Variants in SLC27A1 observed in about 807,000 individuals in gnomAD.
The protein encoded by SLC27A1 is long-chain fatty acid transport protein 1.
SLC27A1 carries 61 observed loss-of-function variants against 62.2 expected under a neutral mutation model. The observed-to-expected ratio is 0.98, with a 90% CI of 0.80 to 1.21. The LOEUF is 1.21. Ranked by LOEUF, SLC27A1 falls within the 50% of genes most tolerant of loss-of-function variation. SLC27A1 has a pLI of 0.00. For synonymous variants in SLC27A1, 435 were observed against 408.6 expected, an observed-to-expected ratio of 1.06 and a Z score of -0.78; for missense variants, 903 against 932.1, an observed-to-expected ratio of 0.97 and a Z score of 0.41.
At chr19:17,481,087 G>A (rs1474523835) in intron 1 of SLC27A1, among the ~76,000 whole-genome samples, 1 of 151,662 alleles carries the variant, frequency 6.6e-6, no homozygotes, top group Non-Finnish European at 1.5e-5. Context: ...CACCACGCCC[G>A]GCCAATTTTG....
chr19:17,498,147 T>G (rs2075369990), intron 7 of SLC27A1: 1 of 152,302 alleles, frequency 6.6e-6, no homozygotes, highest in Admixed American at 6.6e-5. Context: ...GGCAGGAGGA[T>G]CACTTGAGCC....
At position 17,488,717 on chromosome 19, in the gene SLC27A1, C is replaced by T. The variant is rs879581161; in HGVS notation, c.795-131C>T. ...CAATTGTTGGTTGCGTGTTTCCTTC[C>T]TGCCAGCCTGTGAACTCATGCGAAC... is the stretch of plus-strand genomic sequence containing the variant. On this transcript the variant is annotated intron_variant, in intron 4 of 11. Transcript: ENST00000252595. 5 of 729,492 alleles carry T rather than the reference C, an allele frequency of 6.9e-6. No homozygotes were observed. The Admixed American group carries it at 6.9e-5, about 10-fold the overall frequency. 45.2% of individuals were successfully genotyped at this position (729,492 alleles called of 1,614,324 possible).
In SLC27A1 at chr19:17,488,830, C is replaced by T. The variant is rs1428137270; in HGVS notation, c.795-18C>T. On this transcript the variant is annotated intron_variant, in intron 4 of 11. Coordinates refer to ENST00000252595, the MANE Select transcript of SLC27A1 (RefSeq NM_198580.3). ...TAGGTCCCAGCCTCTGCCCTCCCGGCTCCCCCTCCCCCTGCAGGTACTACC... is the reference window on the plus strand; with the variant it reads ...TAGGTCCCAGCCTCTGCCCTCCCGGTTCCCCCTCCCCCTGCAGGTACTACC... 2 of 1,610,380 alleles carry T rather than the reference C, an allele frequency of 1.2e-6. No homozygotes were observed. Among genetic ancestry groups the T allele is most frequent in the Admixed American group, 1.7e-5 (1 of 59,812 alleles).
chr19:17,488,619 CT>C, intron 4 of SLC27A1: 1 of 594,624 alleles, frequency 1.7e-6, no homozygotes. Context: ...CCCAACCCCC[CT>C]GGCTGCATTA....
At chr19:17,497,812 TTTG>T (rs767459741) in intron 7 of SLC27A1, 56 of 295,612 alleles carry the variant, frequency 1.9e-4, no homozygotes, top group African/African-American at 6.0e-4. Flanking sequence ...GTGCTGTTAT[TTTG>T]TTGTTGTTGT....
intron 6 of SLC27A1, 122 bp from the exon 7 acceptor site, chr19:17,497,133 C>T: frequency 1.4e-6 from 1 of 696,598 alleles, no homozygotes; most frequent in South Asian, 2.0e-5. Flanking sequence ...CCATCATCAT[C>T]CTTAGGCTGT....
chr19:17,483,089 G>GGAGGGAATGAATGAATGAGGGAAT (rs1568413394), intron 1 of SLC27A1, among the ~76,000 whole-genome samples: 3 of 151,350 alleles, frequency 2.0e-5, no homozygotes, highest in African/African-American at 7.4e-5. Context: ...AATGAGGGAA[G>GGAGGGAATGAATGAATGAGGGAAT]GAGGGAATGA....
At chr19:17,500,064 T>A (rs2075392400) in intron 7 of SLC27A1, 2 of 704,224 alleles carry the variant, frequency 2.8e-6, no homozygotes, top group Non-Finnish European at 4.6e-6. Context: ...CCAGAGGTCT[T>A]CTCTTGACTG....
At chr19:17,500,214 A>G in intron 7 of SLC27A1, 64 bp from the exon 8 acceptor site, 1 of 1,578,656 alleles carries the variant, frequency 6.3e-7, no homozygotes, top group Non-Finnish European at 8.6e-7. Context: ...AAGGCAGGCA[A>G]AGTGTTACTG....
At chr19:17,469,637 G>C (rs1247046774), upstream of SLC27A1, among the ~76,000 whole-genome samples, 1 of 152,154 alleles carries the variant, frequency 6.6e-6, no homozygotes, top group Non-Finnish European at 1.5e-5. Flanking sequence ...GCCTCTCTAT[G>C]GTCGTGGCTT....
At chr19:17,482,680 G>GGGAGAGAAT (rs920542788) in intron 1 of SLC27A1, among the ~76,000 whole-genome samples, 16 of 151,826 alleles carry the variant, frequency 1.1e-4, no homozygotes, top group Admixed American at 2.6e-4. Flanking sequence ...AAAAAGGGTG[G>GGGAGAGAAT]GGAGAGAATG....
In SLC27A1 at chr19:17,487,494, C is replaced by A. The variant is rs766994404; in HGVS notation, c.759C>A (p.Thr253=). The change falls in exon 4 of 12, where the codon ACC becomes ACA. Residue 253 remains threonine (T), a synonymous_variant. Transcript: ENST00000252595. ...RLFYIYTSGT[T]GLPKAAIVVH... is the part of the protein sequence containing the mutation. ...TCTACATCTACACGTCGGGGACCAC[C>A]GGGCTGCCCAAGGCTGCCATTGTCG... The A allele has an allele frequency of 1.2e-6, 2 of 1,611,378 alleles. No individual in the cohort carries two copies. Among genetic ancestry groups the A allele is most frequent in the Non-Finnish European group, 1.7e-6 (2 of 1,179,836 alleles).
In SLC27A1 at chr19:17,489,149, G is replaced by A. The variant is rs116199487; in HGVS notation, c.996+32G>A. The A allele has an allele frequency of 1.3e-3, 1,972 of 1,568,770 alleles. 28 individuals are homozygous for A. The African/African-American group carries it at 0.025, about 20-fold the overall frequency. The stretch of plus-strand genomic sequence containing the variant: ...CCCTGCCCTGTTCTGTCTAGACCCC[G>A]CCCCTCCCAGCCAGGCCTCACCCCC... On this transcript the variant is annotated intron_variant, in intron 6 of 11. Transcript: ENST00000252595.
At chr19:17,477,257 T>TTTTTTTTTTTTTTG (rs2075133333) in intron 1 of SLC27A1, among the ~76,000 whole-genome samples, 1 of 138,950 alleles carries the variant, frequency 7.2e-6, no homozygotes, top group Non-Finnish European at 1.6e-5. Context: ...TTTTTTTTTT[T>TTTTTTTTTTTTTTG]TTTTTTTGAG....
rs1568407283 is a variant in SLC27A1, at chr19:17,470,632, CG to C, written c.93del (p.Leu32SerfsTer30). 6.3e-7 allele frequency: 1 copy of C among 1,575,504 alleles called. No individual in the cohort carries two copies. The highest frequency in any genetic ancestry group is 8.6e-7 in the Non-Finnish European group (1 of 1,168,156). ...GLPWTWSAAA[A>X]LGVYVGSGGW... is the part of the protein sequence containing the mutation. ...CCGTGGACCTGGAGCGCGGCAGCGG[CG>C]CTCGGCGTGTACGTGGGCAGCGGCG... On this transcript the variant is annotated frameshift_variant, in exon 1 of 12. Coordinates refer to ENST00000252595, the MANE Select transcript of SLC27A1 (RefSeq NM_198580.3). LOFTEE classifies it high-confidence loss of function.
chr19:17,482,536 A>G (rs2075188785), intron 1 of SLC27A1, among the ~76,000 whole-genome samples: 1 of 151,736 alleles, frequency 6.6e-6, no homozygotes, highest in East Asian at 1.9e-4. Context: ...CTGTAGTCCC[A>G]GCTACTTGGG....
At chr19:17,470,917 A>G (rs962961414) in intron 1 of SLC27A1, among the ~76,000 whole-genome samples, 14 of 148,320 alleles carry the variant, frequency 9.4e-5, no homozygotes, top group African/African-American at 3.5e-4. Context: ...TACAGGGGAC[A>G]CTTTAAGGAT....
intron 1 of SLC27A1, among the ~76,000 whole-genome samples, chr19:17,485,806 C>G (rs2075223708): frequency 6.6e-6 from 1 of 151,604 alleles, no homozygotes; most frequent in Admixed American, 6.6e-5. Context: ...GCCTGGGCGA[C>G]AGAGTGAGAC....
At chr19:17,472,045 C>T (rs1443599069) in intron 1 of SLC27A1, among the ~76,000 whole-genome samples, 2 of 152,160 alleles carry the variant, frequency 1.3e-5, no homozygotes, top group African/African-American at 2.4e-5. Flanking sequence ...CTCTGGGAAC[C>T]TTTGCTGAAT....
Sources: allele counts gnomAD v4.1 joint callset (sites outside exome capture counted in the v4.1 genomes callset), GRCh38; gene constraint gnomAD v4.1.1; transcripts MANE v1.5; gene names NCBI Gene and HGNC (gene_info 2026-07-23, HGNC 2026-07-21).